The following ZMYM4 variants were observed in gnomAD, a reference collection of about 807,000 sequenced individuals.
The protein encoded by ZMYM4 is zinc finger MYM-type containing 4.
A neutral mutation model predicts 183.2 loss-of-function variants in ZMYM4; 31 were observed. The ratio of observed to expected loss-of-function variants is 0.17; its 90% CI spans 0.13 to 0.23. ZMYM4 has a LOEUF of 0.23. Among genes scored for constraint, ZMYM4 ranks in the 10% least tolerant of loss-of-function variants. The probability of loss-of-function intolerance (pLI) is 1.00; values close to 1 mark genes in which losing one functional copy is unlikely to be tolerated. For synonymous variants in ZMYM4, 592 were observed against 631.2 expected, an observed-to-expected ratio of 0.94 and a Z score of 0.93; for missense variants, 1,273 against 1,840.3, an observed-to-expected ratio of 0.69 and a Z score of 5.64.
intron 24 of ZMYM4, 35 bp downstream of exon 24, chr1:35,405,229 G>A (rs765762167): frequency 1.9e-6 from 3 of 1,606,180 alleles, no homozygotes; most frequent in Non-Finnish European, 2.6e-6. Flanking sequence ...CTTGATTTAG[G>A]TAGGGGGAAA....
chr1:35,370,140 T>C (rs758699739), intron 6 of ZMYM4, 27 bp downstream of exon 6: 1 of 1,606,424 alleles, frequency 6.2e-7, no homozygotes, highest in Non-Finnish European at 8.5e-7. Context: ...AATAAATGGA[T>C]TGTGTATGTT....
intron 23 of ZMYM4, chr1:35,404,801 A>C (rs2149024244): frequency 2.5e-6 from 1 of 395,976 alleles, no homozygotes; most frequent in Middle Eastern, 7.0e-4. Flanking sequence ...TGATTATTAC[A>C]GTGTGCTCTT....
At chr1:35,357,507 A>T (rs1643863123) in intron 2 of ZMYM4, among the ~76,000 whole-genome samples, 1 of 152,232 alleles carries the variant, frequency 6.6e-6, no homozygotes, top group Non-Finnish European at 1.5e-5. Flanking sequence ...CTGAATTAGT[A>T]TACCTTTGAA....
At chr1:35,346,311 G>A (rs1171890182) in intron 2 of ZMYM4, among the ~76,000 whole-genome samples, 1 of 152,116 alleles carries the variant, frequency 6.6e-6, no homozygotes, top group Non-Finnish European at 1.5e-5. Context: ...ATTTTAACTA[G>A]TGCCTAACTT....
intron 2 of ZMYM4, among the ~76,000 whole-genome samples, chr1:35,347,208 T>C (rs893380067): frequency 1.3e-5 from 2 of 152,204 alleles, no homozygotes; most frequent in African/African-American, 4.8e-5. Flanking sequence ...GGTTTCACCA[T>C]GTTGGCCAAG....
At chr1:35,319,015 G>A (rs903382616) in intron 1 of ZMYM4, among the ~76,000 whole-genome samples, 3 of 152,092 alleles carry the variant, frequency 2.0e-5, no homozygotes, top group African/African-American at 7.2e-5. Context: ...TGAGTAGCTG[G>A]GATTACAGGC....
At chr1:35,294,951 C>T (rs1640934647) in intron 1 of ZMYM4, among the ~76,000 whole-genome samples, 1 of 152,212 alleles carries the variant, frequency 6.6e-6, no homozygotes, top group Admixed American at 6.5e-5. Context: ...TTAGATTCCA[C>T]TGTGCTTCAC....
intron 1 of ZMYM4, among the ~76,000 whole-genome samples, chr1:35,296,786 C>T (rs989123605): frequency 1.7e-4 from 25 of 151,390 alleles, no homozygotes; most frequent in Non-Finnish European, 3.2e-4. Context: ...TTTGAAGTTT[C>T]AAGGTCCCAT....
intron 2 of ZMYM4, among the ~76,000 whole-genome samples, chr1:35,354,584 G>A (rs1309100933): frequency 2.6e-5 from 4 of 151,866 alleles, no homozygotes; most frequent in Admixed American, 6.6e-5. Context: ...AAAATTAGCC[G>A]GGTGTGGTGG....
In ZMYM4 at chr1:35,389,623, C is replaced by T. The variant is rs1294348187; in HGVS notation, c.2437-325C>T. On this transcript the variant is annotated intron_variant, in intron 14 of 29. Transcript: ENST00000314607. This position sits in a 1 kb window ranked among gnomAD's most constrained non-coding sequence, Gnocchi z 4.0. Reference sequence around the variant, plus strand: ...CAAAAAAATTAGCTGGGTGTGGTGGCGGGCGCCTGTAGTCCCAGCTACCTG... The same window carrying T: ...CAAAAAAATTAGCTGGGTGTGGTGGTGGGCGCCTGTAGTCCCAGCTACCTG... 9.2e-5 allele frequency among the ~76,000 whole-genome samples: 14 copies of T among 151,720 alleles called. No individual in the cohort carries two copies. Among genetic ancestry groups the T allele is most frequent in the African/African-American group, 1.5e-4 (6 of 41,312 alleles).
chr1:35,299,162 C>G (rs1641158044), intron 1 of ZMYM4, among the ~76,000 whole-genome samples: 1 of 151,904 alleles, frequency 6.6e-6, no homozygotes, highest in African/African-American at 2.4e-5. Context: ...ACCACCACAC[C>G]TGGTGTAGTT....
chr1:35,370,308 T>C (rs1644176759), intron 6 of ZMYM4, 64 bp from the exon 7 acceptor site: 1 of 1,452,626 alleles, frequency 6.9e-7, no homozygotes, highest in East Asian at 2.5e-5. Context: ...TTAAAATTCA[T>C]GGTAAAAAGT....
chr1:35,289,270 A>G (rs1428970304), intron 1 of ZMYM4, among the ~76,000 whole-genome samples: 4 of 152,196 alleles, frequency 2.6e-5, no homozygotes, highest in South Asian at 4.1e-4. Context: ...AAGATGGGAA[A>G]CAGAGGGTCA....
chr1:35,392,524 T>C, intron 16 of ZMYM4, 123 bp from the exon 17 acceptor site: 4 of 1,298,782 alleles, frequency 3.1e-6, no homozygotes, highest in South Asian at 2.7e-5. Context: ...GTTTCTTCCG[T>C]TGAATTAAAA....
intron 20 of ZMYM4, 127 bp downstream of exon 20, chr1:35,397,672 T>G: frequency 1.4e-6 from 1 of 722,396 alleles, no homozygotes; most frequent in Admixed American, 4.0e-5. Flanking sequence ...ACCAAGCCTG[T>G]GGGGTTGATT....
At position 35,389,951 on chromosome 1, in the gene ZMYM4, G is replaced by A; in HGVS notation, c.2440G>A (p.Ala814Thr). The change falls in exon 15 of 30, where the codon GCC (alanine) becomes ACC (threonine). Residue 814 changes from alanine to threonine, a missense_variant. Ala to Thr is a moderately conservative substitution (Grantham distance 58). This residue lies in a region of ZMYM4 where 319 missense variants were observed against 518.1 expected (regional missense o/e 0.62). Coordinates refer to ENST00000314607, the MANE Select transcript of ZMYM4 (RefSeq NM_005095.3). This position sits in a 1 kb window ranked among gnomAD's most constrained non-coding sequence, Gnocchi z 4.0. ...SKYTVLFYQM[A>T]KCDACKRQGK... The stretch of plus-strand genomic sequence containing the variant: ...TTGACTACCTTCTTCTTTTTAGATG[G>A]CCAAATGTGATGCTTGTAAGCGACA... The A allele has an allele frequency of 6.2e-7, 1 of 1,604,910 alleles. No individual in the cohort carries two copies. The highest frequency in any genetic ancestry group is 1.1e-5 in the South Asian group (1 of 89,672).
intron 7 of ZMYM4, among the ~76,000 whole-genome samples, chr1:35,374,047 T>TTTTTA (rs1644279014): frequency 7.5e-6 from 1 of 133,362 alleles, no homozygotes; most frequent in Non-Finnish European, 1.5e-5. Flanking sequence ...TTTTTTTTTT[T>TTTTTA]GAGACAAGAG....
intron 2 of ZMYM4, among the ~76,000 whole-genome samples, chr1:35,327,152 C>T (rs144005239): frequency 0.029 from 4,375 of 152,302 alleles, 90 homozygotes; most frequent in Non-Finnish European, 0.042. Context: ...TGAGCCACAG[C>T]GCCCGGGCTT....
chr1:35,336,668 A>T (rs1409348500), intron 2 of ZMYM4, among the ~76,000 whole-genome samples: 1 of 151,988 alleles, frequency 6.6e-6, no homozygotes, highest in Admixed American at 6.6e-5. Flanking sequence ...GCCCTCCAAA[A>T]TGCTGGGATT....
Sources: allele counts gnomAD v4.1 joint callset (sites outside exome capture counted in the v4.1 genomes callset), GRCh38; gene constraint gnomAD v4.1.1; regional missense constraint gnomAD v4.1.1; non-coding constraint Gnocchi (gnomAD v3.1); transcripts MANE v1.5; gene names NCBI Gene and HGNC (gene_info 2026-07-23, HGNC 2026-07-21).